Variants in MYCBP2 observed in about 807,000 individuals in gnomAD.
MYCBP2 encodes the protein E3 ubiquitin-protein ligase MYCBP2.
Under a neutral mutation model 525.3 loss-of-function variants are expected in MYCBP2, and 120 were observed. The observed-to-expected ratio is 0.23, with a 90% confidence interval of 0.20 to 0.27. The LOEUF is 0.27. Among genes scored for constraint, MYCBP2 ranks in the 10% least tolerant of loss-of-function variants. MYCBP2 has a pLI of 1.00. For synonymous variants in MYCBP2, 1,894 were observed against 1,955.8 expected (o/e 0.97, Z 0.83); for missense variants, 4,149 against 5,657.1 (o/e 0.73, Z 8.55).
chr13:77,078,804 AATG>A lies in MYCBP2; in HGVS notation c.11484+17_11484+19del. 6.2e-7 allele frequency: 1 copy of A among 1,609,012 alleles called. No homozygotes were observed. The highest frequency in any genetic ancestry group is 8.5e-7 in the Non-Finnish European group (1 of 1,175,712). Reference sequence around the variant, plus strand: ...TTTCTCTCTAGGTAGCGAAACATTTAATGACAAAATTTCAATTACCTGCTTTAT... The same window carrying A: ...TTTCTCTCTAGGTAGCGAAACATTTAACAAAATTTCAATTACCTGCTTTAT... On this transcript the variant is annotated intron_variant, in intron 66 of 82. Coordinates refer to ENST00000544440, the MANE Select transcript of MYCBP2 (RefSeq NM_015057.5).
At chr13:77,225,603 C>A in intron 18 of MYCBP2, 49 bp from the exon 19 acceptor site, 1 of 1,595,520 alleles carries the variant, frequency 6.3e-7, no homozygotes, top group Non-Finnish European at 8.6e-7. Context: ...TATTCATCTT[C>A]AAAATAAAAA....
chr13:77,140,978 A>G (rs535499835), intron 49 of MYCBP2, 35 bp from the exon 50 acceptor site: 6 of 1,442,850 alleles, frequency 4.2e-6, no homozygotes, highest in Middle Eastern at 1.8e-4. Context: ...AACATTTGAG[A>G]AAAAAAGAGA....
At chr13:77,306,962 C>T (rs1170498977) in intron 1 of MYCBP2, among the ~76,000 whole-genome samples, 1 of 151,726 alleles carries the variant, frequency 6.6e-6, no homozygotes, top group Non-Finnish European at 1.5e-5. Context: ...GAATGGGGAA[C>T]AACCAAGCAC....
rs181649618 is a variant in MYCBP2, at chr13:77,243,673, C to T, written c.2527+133G>A. 1,015 of 726,408 alleles carry T rather than the reference C, an allele frequency of 1.4e-3. 5 individuals are homozygous for T. In the African/African-American group the frequency reaches 0.015, roughly 11 times the overall value. The allele number at this position is 726,408 out of a possible 1,614,324, so 45.0% of individuals were successfully genotyped here. A position where few individuals can be genotyped will look rare whatever the true frequency, so the allele number is the denominator to read the frequency against. On this transcript the variant is annotated intron_variant, in intron 16 of 82. Transcript: ENST00000544440. The stretch of plus-strand genomic sequence containing the variant: ...TAAACAATGTCATATTGTCAGTTAC[C>T]GTAAAAGCAGTATTGCATACATTAA...
chr13:77,291,660 G>C (rs112047202), intron 2 of MYCBP2, among the ~76,000 whole-genome samples: 3 of 152,120 alleles, frequency 2.0e-5, no homozygotes, highest in African/African-American at 7.2e-5. Context: ...CCAGCTCCTC[G>C]GGAGCCTGAG....
At chr13:77,079,606 G>T (rs1396686272) in intron 65 of MYCBP2, among the ~76,000 whole-genome samples, 1 of 152,108 alleles carries the variant, frequency 6.6e-6, no homozygotes, top group Admixed American at 6.5e-5. Context: ...GGAACATGGA[G>T]GTACATAACT....
chr13:77,090,741 G>A (rs914113168), intron 59 of MYCBP2: 1 of 152,284 alleles, frequency 6.6e-6, no homozygotes, highest in African/African-American at 2.4e-5. Flanking sequence ...GTTGCCCAAA[G>A]CCCTTGGAGG....
rs535391362 is a variant in MYCBP2 at position 77,214,953 on chromosome 13, G to T, written c.3058-2793C>A. Among the ~76,000 whole-genome samples, 15 of 151,778 alleles carry T rather than the reference G, an allele frequency of 9.9e-5. No individual in the cohort carries two copies. In the South Asian group the frequency reaches 3.1e-3, roughly 32 times the overall value. Reference sequence around the variant, plus strand: ...TGTATACACATACATACATATATAGGTATATATATATAAAATAGTGTGTCT... The same window carrying T: ...TGTATACACATACATACATATATAGTTATATATATATAAAATAGTGTGTCT... On this transcript the variant is annotated intron_variant, in intron 21 of 82. Transcript: ENST00000544440.
At chr13:77,236,246 T>C (rs755866708) in intron 17 of MYCBP2, among the ~76,000 whole-genome samples, 8 of 152,208 alleles carry the variant, frequency 5.3e-5, no homozygotes, top group Non-Finnish European at 1.2e-4. Flanking sequence ...GTGATTTATT[T>C]CTTTCATTGG....
At chr13:77,244,097 T>C in intron 15 of MYCBP2, 146 bp from the exon 16 acceptor site, 1 of 910,414 alleles carries the variant, frequency 1.1e-6, no homozygotes, top group South Asian at 2.8e-5. Context: ...TCACGATTGT[T>C]CATTTTAAAG....
At chr13:77,243,222 G>T in intron 16 of MYCBP2, 62 bp from the exon 17 acceptor site, 1 of 1,219,478 alleles carries the variant, frequency 8.2e-7, no homozygotes, top group South Asian at 1.2e-5. Context: ...AGCTATGACA[G>T]AACTACATAA....
chr13:77,158,136 T>A, intron 44 of MYCBP2, 27 bp from the exon 45 acceptor site: 1 of 1,428,990 alleles, frequency 7.0e-7, no homozygotes, highest in Non-Finnish European at 9.3e-7. Flanking sequence ...AATATTTATA[T>A]ATTCTTAAAA....
At chr13:77,312,409 A>G (rs2080367410) in intron 1 of MYCBP2, among the ~76,000 whole-genome samples, 1 of 152,130 alleles carries the variant, frequency 6.6e-6, no homozygotes, top group Admixed American at 6.5e-5. Context: ...GATGTTTGCC[A>G]AGTATAGTAT....
intron 1 of MYCBP2, among the ~76,000 whole-genome samples, chr13:77,317,983 TAACATAACATAACATAACATAACA>T (rs2081165449): frequency 1.3e-5 from 2 of 151,674 alleles, no homozygotes; most frequent in Non-Finnish European, 2.9e-5. Context: ...TAACATAACA[TAACATAACATAACATAACATAACA>T]GTGGGTCCCT....
intron 68 of MYCBP2, among the ~76,000 whole-genome samples, chr13:77,073,374 A>C (rs1446480248): frequency 1.3e-5 from 2 of 152,186 alleles, no homozygotes; most frequent in Non-Finnish European, 2.9e-5. Context: ...TAGGAATAGA[A>C]GAAAACATTC....
At position 77,058,940 on chromosome 13, in the gene MYCBP2, G is replaced by T. The variant is rs1325643637; in HGVS notation, c.13141-534C>A. On this transcript the variant is annotated intron_variant, in intron 77 of 82. Coordinates refer to ENST00000544440, the MANE Select transcript of MYCBP2 (RefSeq NM_015057.5). The surrounding 1 kb of genome is among the most constrained non-coding windows in gnomAD (Gnocchi z 4.1). ...GCGGAGGTTGCAGTGAGCCGAGATC[G>T]TGCCACTGTACTCCAGCCTGGGCGA... Among the ~76,000 whole-genome samples, 4 of 152,030 alleles carry T rather than the reference G, an allele frequency of 2.6e-5. No individual in the cohort carries two copies. Among genetic ancestry groups the T allele is most frequent in the African/African-American group, 7.2e-5 (3 of 41,382 alleles).
chr13:77,311,556 T>G (rs1032796747), intron 1 of MYCBP2, among the ~76,000 whole-genome samples: 125 of 140,246 alleles, frequency 8.9e-4, no homozygotes, highest in Non-Finnish European at 1.4e-3. Context: ...GAAAGAGAAG[T>G]TTTTTTTTGT....
At position 77,312,858 on chromosome 13, in the gene MYCBP2, C is replaced by T. The variant is rs572283479; in HGVS notation, c.302+13616G>A. ...AAGGGCAAGGTTCTATACTAGTTGC[C>T]TAAGAGGAGAAACTTTAAATATAAA... On this transcript the variant is annotated intron_variant, in intron 1 of 82. Transcript: ENST00000544440. Among the ~76,000 whole-genome samples the T allele has an allele frequency of 3.2e-4, 49 of 151,444 alleles. No individual in the cohort carries two copies. The South Asian group carries it at 4.8e-3, about 15-fold the overall frequency.
chr13:77,136,801 A>G (rs751796000), intron 52 of MYCBP2, among the ~76,000 whole-genome samples: 1 of 152,050 alleles, frequency 6.6e-6, no homozygotes, highest in Non-Finnish European at 1.5e-5. Context: ...TCCCTCCTCT[A>G]AAACATAACT....
Sources: allele counts gnomAD v4.1 joint callset (sites outside exome capture counted in the v4.1 genomes callset), GRCh38; gene constraint gnomAD v4.1.1; non-coding constraint Gnocchi (gnomAD v3.1); transcripts MANE v1.5; gene names NCBI Gene and HGNC (gene_info 2026-07-23, HGNC 2026-07-21).